Variants in PTGER4 observed in about 807,000 individuals in gnomAD.
PTGER4 encodes prostaglandin E receptor 4.
A neutral mutation model predicts 33.2 loss-of-function variants in PTGER4; 11 were observed. That is an observed-to-expected ratio of 0.33 (90% CI 0.21 to 0.55). The LOEUF is 0.55. PTGER4 is among the 20% of genes least tolerant of loss of function. PTGER4 has a pLI of 0.92. For missense variants in PTGER4, 481 were observed against 650.2 expected, an observed-to-expected ratio of 0.74 and a Z score of 2.83; for synonymous variants, 275 against 281.5, an observed-to-expected ratio of 0.98 and a Z score of 0.23.
chr5:40,689,554 A>G (rs1471937815), intron 2 of PTGER4, among the ~76,000 whole-genome samples: 1 of 152,208 alleles, frequency 6.6e-6, no homozygotes, highest in Non-Finnish European at 1.5e-5. Flanking sequence ...TGTTACATCT[A>G]GTAAGTGCCA....
At chr5:40,738,701 C>T in the PTGER4 span, among the ~76,000 whole-genome samples, 3 of 151,946 alleles carry the variant, frequency 2.0e-5, no homozygotes, top group Admixed American at 6.6e-5. Context: ...CATATCTTTG[C>T]CAACACTTGA....
chr5:40,701,464 C>T, the PTGER4 span, among the ~76,000 whole-genome samples: 1 of 151,836 alleles, frequency 6.6e-6, no homozygotes, highest in Non-Finnish European at 1.5e-5. Context: ...TGAAATAAGA[C>T]AATCAGACAA....
chr5:40,682,423 C>T (rs1304671562), intron 2 of PTGER4, among the ~76,000 whole-genome samples: 1 of 152,186 alleles, frequency 6.6e-6, no homozygotes, highest in Non-Finnish European at 1.5e-5. Context: ...CTAACTCCCT[C>T]ACTTCACTGA....
chr5:40,693,202 AC>A lies in PTGER4; in HGVS notation c.*825del. 1.0e-6 allele frequency: 1 copy of A among 983,680 alleles called. No homozygotes were observed. The highest frequency in any genetic ancestry group is 1.7e-5 in the African/African-American group (1 of 57,298). 60.9% of individuals were successfully genotyped at this position (983,680 alleles called of 1,614,324 possible). A position where few individuals can be genotyped will look rare whatever the true frequency, so the allele number is the denominator to read the frequency against. ...AAAACTGTGATTTCAGGAGAACCTA[AC>A]ATGCTGGTGAATATTTTCAACTTTT... On this transcript the variant is annotated 3_prime_UTR_variant, in exon 3 of 3. Transcript: ENST00000302472.
Position 40,693,623 on chromosome 5 carries a change from T to C in PTGER4, c.*1245T>C, listed in dbSNP as rs1741524830. On this transcript the variant is annotated 3_prime_UTR_variant, in exon 3 of 3. Transcript: ENST00000302472. ...TAAGCATGTTTTGTTGCTCAGTGTT[T>C]TTGTGAATTGCTTGGTTGTAATTAA... 4.1e-6 allele frequency: 4 copies of C among 985,780 alleles called. No homozygotes were observed. Among genetic ancestry groups the C allele is most frequent in the Non-Finnish European group, 3.6e-6 (3 of 829,758 alleles). 61.1% of individuals were successfully genotyped at this position (985,780 alleles called of 1,614,324 possible).
chr5:40,716,604 T>C, the PTGER4 span: 3 of 729,778 alleles, frequency 4.1e-6, no homozygotes, highest in African/African-American at 3.5e-5. Context: ...CACATCCTAA[T>C]GCATTATCTT....
the PTGER4 span, among the ~76,000 whole-genome samples, chr5:40,722,127 C>T: frequency 1.3e-5 from 2 of 152,186 alleles, no homozygotes; most frequent in African/African-American, 2.4e-5. Flanking sequence ...ACCGCTTAAA[C>T]CCGGGAGGCG....
chr5:40,722,816 G>A, the PTGER4 span, among the ~76,000 whole-genome samples: 2 of 150,404 alleles, frequency 1.3e-5, no homozygotes, highest in East Asian at 4.0e-4. Context: ...TCCGGGAGGT[G>A]GGGGGCGCAG....
the PTGER4 span, among the ~76,000 whole-genome samples, chr5:40,717,185 C>T: frequency 6.8e-5 from 10 of 147,090 alleles, no homozygotes; most frequent in South Asian, 2.1e-4. Context: ...GTTGAGATCA[C>T]GCCATTGCAC....
At chr5:40,689,593 C>T (rs548997634) in intron 2 of PTGER4, among the ~76,000 whole-genome samples, 5 of 152,086 alleles carry the variant, frequency 3.3e-5, no homozygotes, top group Non-Finnish European at 4.4e-5. Flanking sequence ...GTCAATGAAT[C>T]GCCTTTTCCG....
chr5:40,724,640 CAAA>C, the PTGER4 span, among the ~76,000 whole-genome samples: 1 of 150,550 alleles, frequency 6.6e-6, no homozygotes, highest in African/African-American at 2.4e-5. Context: ...CTCAAAAAAA[CAAA>C]AAACAAACAA....
intron 2 of PTGER4, among the ~76,000 whole-genome samples, chr5:40,690,984 A>G (rs1312941830): frequency 1.3e-5 from 2 of 152,342 alleles, no homozygotes; most frequent in African/African-American, 4.8e-5. Flanking sequence ...ACGAACTCAG[A>G]ACATGTAATT....
At chr5:40,739,110 G>GTATGTCTATCTT in the PTGER4 span, among the ~76,000 whole-genome samples, 1 of 152,154 alleles carries the variant, frequency 6.6e-6, no homozygotes, top group African/African-American at 2.4e-5. Context: ...ATTGATCCAT[G>GTATGTCTATCTT]TATGTCTATC....
the PTGER4 span, among the ~76,000 whole-genome samples, chr5:40,722,663 C>T: frequency 0.079 from 11,907 of 151,292 alleles, 667 homozygotes; most frequent in East Asian, 0.3. Context: ...GGCGTGTCTC[C>T]GCCCCACAGC....
chr5:40,723,911 T>C, the PTGER4 span, among the ~76,000 whole-genome samples: 1 of 152,128 alleles, frequency 6.6e-6, no homozygotes, highest in East Asian at 1.9e-4. Flanking sequence ...AGTGAGGTTA[T>C]GGAGAAACTG....
intron 2 of PTGER4, among the ~76,000 whole-genome samples, chr5:40,690,584 G>A (rs1741443212): frequency 6.6e-6 from 1 of 152,212 alleles, no homozygotes; most frequent in Non-Finnish European, 1.5e-5. Context: ...GGGGAACAGA[G>A]TCATAGAGAA....
rs374820513 is a variant in PTGER4, at chr5:40,681,428, G to A, written c.435G>A (p.Ala145=). ...LAGLTLFAVY[A]SNVLFCALPN... ...GCCTCACGCTCTTTGCAGTCTATGC[G>A]TCCAACGTGCTCTTTTGCGCGCTGC... is the stretch of plus-strand genomic sequence containing the variant. Residue 145 remains alanine (A), a synonymous_variant, in exon 2 of 3, where the codon GCG becomes GCA. Coordinates refer to ENST00000302472, the MANE Select transcript of PTGER4 (RefSeq NM_000958.3). The surrounding 1 kb of genome is among the most constrained non-coding windows in gnomAD (Gnocchi z 9.8). 94 of 1,613,808 alleles carry A rather than the reference G, an allele frequency of 5.8e-5. No individual in the cohort carries two copies. The highest frequency in any genetic ancestry group is 7.6e-5 in the Non-Finnish European group (90 of 1,180,044).
rs1741490800 is a variant in PTGER4, at chr5:40,692,172, A to G, written c.1261A>G (p.Met421Val). The part of the protein sequence containing the change: ...GRNLLPGVPG[M>V]GLAQEDTTSL... ...GAATTTGCTTCCAGGTGTGCCTGGCATGGGCCTGGCCCAGGAAGACACCAC... is the reference window on the plus strand; with the variant it reads ...GAATTTGCTTCCAGGTGTGCCTGGCGTGGGCCTGGCCCAGGAAGACACCAC... The change falls in exon 3 of 3, where the codon ATG (methionine) becomes GTG (valine). Residue 421 changes from methionine (M) to valine (V), a missense_variant. By Grantham distance (21) the Met-to-Val change is conservative (BLOSUM62 1). Coordinates refer to ENST00000302472, the MANE Select transcript of PTGER4 (RefSeq NM_000958.3). 6.2e-7 allele frequency: 1 copy of G among 1,614,106 alleles called. No individual in the cohort carries two copies. Among genetic ancestry groups the G allele is most frequent in the African/African-American group, 1.3e-5 (1 of 74,948 alleles).
At chr5:40,716,657 A>C in the PTGER4 span, among the ~76,000 whole-genome samples, 1 of 152,228 alleles carries the variant, frequency 6.6e-6, no homozygotes, top group African/African-American at 2.4e-5. Context: ...GTGTTGCCCT[A>C]AACACTGGGG....
Sources: allele counts gnomAD v4.1 joint callset (sites outside exome capture counted in the v4.1 genomes callset), GRCh38; gene constraint gnomAD v4.1.1; non-coding constraint Gnocchi (gnomAD v3.1); transcripts MANE v1.5; gene names NCBI Gene and HGNC (gene_info 2026-07-23, HGNC 2026-07-21).